INO80E: variants seen among roughly 807,000 people sequenced by gnomAD.
The protein encoded by INO80E is INO80 complex subunit E.
A neutral mutation model predicts 27.3 loss-of-function variants in INO80E; 20 were observed. The ratio of observed to expected loss-of-function variants is 0.73; its 90% CI spans 0.51 to 1.06. The LOEUF is 1.06. Among genes scored for constraint, INO80E ranks in the 50% least tolerant of loss-of-function variants. INO80E has a pLI of 0.00. For synonymous variants in INO80E, 167 were observed against 145.9 expected (o/e 1.14, Z -1.04); for missense variants, 357 against 322.8 (o/e 1.11, Z -0.81).
At chr16:29,996,664 C>T (rs763662275) in intron 2 of INO80E, 47 bp downstream of exon 2, 32 of 1,582,988 alleles carry the variant, frequency 2.0e-5, no homozygotes, top group Middle Eastern at 3.3e-4. Flanking sequence ...CCTAGGAAAT[C>T]TACATTCGGA....
chr16:30,001,274 C>G, intron 5 of INO80E, 140 bp from the exon 6 acceptor site: 2 of 1,490,986 alleles, frequency 1.3e-6, no homozygotes, highest in Non-Finnish European at 1.8e-6. Context: ...GCTGCCCGGC[C>G]CTTCTGTGCT....
intron 3 of INO80E, among the ~76,000 whole-genome samples, chr16:29,999,765 C>T (rs2070279390): frequency 6.6e-6 from 1 of 152,138 alleles, no homozygotes; most frequent in Admixed American, 6.5e-5. Context: ...TAAGCAGCAC[C>T]ATGAATTCAT....
At chr16:30,001,373 TCCATTCCGCCTC>T (rs769853060) in intron 5 of INO80E, 29 bp from the exon 6 acceptor site, 3 of 1,547,062 alleles carry the variant, frequency 1.9e-6, no homozygotes, top group Non-Finnish European at 2.6e-6. Flanking sequence ...CTCACCCCGG[TCCATTCCGCCTC>T]CCATCTCCAT....
chr16:30,001,016 G>A lies in INO80E; in HGVS notation c.372G>A (p.Gly124=), dbSNP rs1246333392. Residue 124 remains glycine, a synonymous_variant, in exon 5 of 7, where the codon GGG becomes GGA. Coordinates refer to ENST00000563197, the MANE Select transcript of INO80E (RefSeq NM_173618.3). ...CAGGGTTTCCCCTTCAGGCCTCCGG[G>A]GTCCCCTCCCCATACCTGAGCTCGG... ...PSTGFPLQAS[G]VPSPYLSSLA... The A allele has an allele frequency of 1.3e-6, 2 of 1,551,140 alleles. No homozygotes were observed. Among genetic ancestry groups the A allele is most frequent in the Non-Finnish European group, 1.7e-6 (2 of 1,147,634 alleles).
chr16:29,998,138 A>C (rs2070207022), intron 3 of INO80E, among the ~76,000 whole-genome samples: 1 of 152,004 alleles, frequency 6.6e-6, no homozygotes, highest in Admixed American at 6.5e-5. Context: ...AAAAATACAA[A>C]AAGTTAGCCG....
Position 30,005,331 on chromosome 16 carries a change from G to GCCCCCCCCC in INO80E, c.625_633dup (p.Pro209_Pro211dup). 3 of 1,071,840 alleles carry GCCCCCCCCC rather than the reference G, an allele frequency of 2.8e-6. No individual in the cohort carries two copies. The highest frequency in any genetic ancestry group is 3.4e-6 in the Non-Finnish European group (3 of 877,556). 66.4% of individuals were successfully genotyped at this position (1,071,840 alleles called of 1,614,324 possible). A position where few individuals can be genotyped will look rare whatever the true frequency, so the allele number is the denominator to read the frequency against. On this transcript the variant is annotated inframe_insertion, in exon 7 of 7. Coordinates refer to ENST00000563197, the MANE Select transcript of INO80E (RefSeq NM_173618.3). ...TGACCCCCCTCCCACCCCCTAAGAT[G>GCCCCCCCCC]CCCCCCCCCACGATCCTGAGCACGG...
chr16:29,999,381 C>G (rs1379509968), intron 3 of INO80E: 1 of 152,254 alleles, frequency 6.6e-6, no homozygotes, highest in Non-Finnish European at 1.5e-5. Flanking sequence ...GCCAGCGATG[C>G]GAGCCCCACT....
chr16:30,005,089 A>G (rs2070511214), intron 6 of INO80E, 132 bp from the exon 7 acceptor site: 3 of 1,002,748 alleles, frequency 3.0e-6, no homozygotes, highest in African/African-American at 3.4e-5. Context: ...CCCTGAGTGC[A>G]GCATGGGTTG....
chr16:29,997,754 CAAA>C (rs77565859), intron 3 of INO80E, among the ~76,000 whole-genome samples: 1 of 67,272 alleles, frequency 1.5e-5, no homozygotes, highest in Non-Finnish European at 3.1e-5. Context: ...GACTCCGTCT[CAAA>C]AAAAAAAAAA....
chr16:30,005,070 G>C, intron 6 of INO80E, 151 bp from the exon 7 acceptor site: 3 of 805,394 alleles, frequency 3.7e-6, no homozygotes, highest in South Asian at 2.5e-5. Flanking sequence ...AGGGGCTGAG[G>C]GGGGCAGGCC....
chr16:29,996,317 G>A lies in INO80E; in HGVS notation c.7G>A (p.Gly3Arg). The change falls in exon 1 of 7, where the codon GGG becomes AGG. Residue 3 changes from glycine to arginine, a missense_variant. Physicochemically the swap from Gly to Arg is moderately radical, Grantham distance 125. Coordinates refer to ENST00000563197, the MANE Select transcript of INO80E (RefSeq NM_173618.3). MN[G>R]PADGEVDYKK... ...CGCCACTCCCGGGCCGGTCATGAAC[G>A]GGCCGGCGGACGGCGAAGTGGACTA... 6.3e-7 allele frequency: 1 copy of A among 1,594,468 alleles called. No homozygotes were observed. The highest frequency in any genetic ancestry group is 8.5e-7 in the Non-Finnish European group (1 of 1,170,726).
chr16:30,000,704 T>C (rs1449287327), intron 3 of INO80E, 54 bp from the exon 4 acceptor site: 33 of 1,474,990 alleles, frequency 2.2e-5, no homozygotes, highest in Non-Finnish European at 2.9e-5. Flanking sequence ...GTTATACCTT[T>C]CTGGGATGGA....
intron 3 of INO80E, 25 bp downstream of exon 3, chr16:29,996,885 T>G: frequency 6.2e-7 from 1 of 1,611,062 alleles, no homozygotes; most frequent in South Asian, 1.1e-5. Flanking sequence ...CAAAAATTGG[T>G]GGAGAGCATG....
rs528189437 is a variant in INO80E, at chr16:30,002,938, C to G, written c.513+1408C>G. The G allele has an allele frequency of 2.0e-5, 3 of 152,400 alleles. No homozygotes were observed. The East Asian group carries it at 5.8e-4, about 29-fold the overall frequency. The allele number at this position is 152,400 out of a possible 1,614,324, so 9.4% of individuals were successfully genotyped here. ...GGTCTGGAGTACAGGATCTGGAGCTCTAATCCCAACTCTGCCGTTTTCTCC... is the reference window on the plus strand; with the variant it reads ...GGTCTGGAGTACAGGATCTGGAGCTGTAATCCCAACTCTGCCGTTTTCTCC... On this transcript the variant is annotated intron_variant, in intron 6 of 6. Coordinates refer to ENST00000563197, the MANE Select transcript of INO80E (RefSeq NM_173618.3).
intron 3 of INO80E, among the ~76,000 whole-genome samples, chr16:30,000,068 G>A (rs1299394715): frequency 6.6e-6 from 1 of 152,184 alleles, no homozygotes; most frequent in Non-Finnish European, 1.5e-5. Flanking sequence ...AGGAGTCACA[G>A]ACCTGGCTTG....
In INO80E at chr16:29,996,539, T is replaced by C. The variant is rs1361646116; in HGVS notation, c.82-8T>C. 5.1e-6 allele frequency: 8 copies of C among 1,561,862 alleles called. No homozygotes were observed. The highest frequency in any genetic ancestry group is 6.1e-6 in the Non-Finnish European group (7 of 1,153,030). On this transcript the variant is annotated splice_region_variant and splice_polypyrimidine_tract_variant and intron_variant, in intron 1 of 6. Transcript: ENST00000563197. ...GTTGGCCCAGCGCACCCCTTGCCCG[T>C]GATACAGGAGCACGAGTGCTTCCAG...
chr16:29,996,904 T>C (rs2070144262), intron 3 of INO80E, 44 bp downstream of exon 3: 1 of 1,593,312 alleles, frequency 6.3e-7, no homozygotes, highest in Admixed American at 1.7e-5. Context: ...TGGTTCCTGG[T>C]ACTTAGCAAG....
chr16:30,002,498 C>T (rs1236766606), intron 6 of INO80E: 1 of 152,488 alleles, frequency 6.6e-6, no homozygotes, highest in African/African-American at 2.4e-5. Context: ...GAGGAGGCCA[C>T]CACGGTAAAC....
rs1248171169 is a variant in INO80E at position 30,000,991 on chromosome 16, C to A, written c.347C>A (p.Thr116Lys). The A allele has an allele frequency of 1.3e-6, 2 of 1,560,450 alleles. No individual in the cohort carries two copies. The highest frequency in any genetic ancestry group is 1.7e-6 in the Non-Finnish European group (2 of 1,151,854). ...TCCAGCCTCTCCCTGCCTCCTTCAA[C>A]AGGGTTTCCCCTTCAGGCCTCCGGG... Reference protein sequence around the residue: ...SPSSLSLPPSTGFPLQASGVP... With the variant: ...SPSSLSLPPSKGFPLQASGVP... Residue 116 changes from threonine to lysine, a missense_variant, in exon 5 of 7, where the codon ACA becomes AAA. Physicochemically the swap from Thr to Lys is moderately conservative, Grantham distance 78. Coordinates refer to ENST00000563197, the MANE Select transcript of INO80E (RefSeq NM_173618.3).
Sources: allele counts gnomAD v4.1 joint callset (sites outside exome capture counted in the v4.1 genomes callset), GRCh38; gene constraint gnomAD v4.1.1; transcripts MANE v1.5; gene names NCBI Gene and HGNC (gene_info 2026-07-23, HGNC 2026-07-21).